Variants in PLXNC1 observed in about 807,000 individuals in gnomAD.
The protein encoded by PLXNC1 is plexin-C1.
Under a neutral mutation model 178.2 loss-of-function variants are expected in PLXNC1, and 75 were observed. The observed-to-expected ratio is 0.42, with a 90% CI of 0.35 to 0.51. PLXNC1 has a LOEUF of 0.51. PLXNC1 is among the 20% of genes least tolerant of loss of function. PLXNC1 has a pLI of 0.02. For missense variants in PLXNC1, 1,503 were observed against 1,984.4 expected (o/e 0.76, Z 4.61); for synonymous variants, 790 against 779.9 (o/e 1.01, Z -0.22).
intron 21 of PLXNC1, among the ~76,000 whole-genome samples, chr12:94,270,280 T>G (rs375173032): frequency 8.6e-4 from 131 of 152,356 alleles, no homozygotes; most frequent in African/African-American, 3.1e-3. Context: ...TTTATAAAGT[T>G]CTATTGGAAC....
chr12:94,164,661 GCACACACACACACACACACACACA>G (rs3060912), intron 1 of PLXNC1, among the ~76,000 whole-genome samples: 6 of 148,828 alleles, frequency 4.0e-5, no homozygotes, highest in Non-Finnish European at 4.5e-5. Flanking sequence ...ATGACTCCCT[GCACACACACACACACACACACACA>G]CACACACACA....
chr12:94,298,611 C>A, intron 26 of PLXNC1, 21 bp from the exon 27 acceptor site: 1 of 1,565,560 alleles, frequency 6.4e-7, no homozygotes, highest in Non-Finnish European at 8.6e-7. Context: ...TCTCCCAAAT[C>A]TGATGTTGTC....
chr12:94,259,579 A>G (rs753368942), intron 18 of PLXNC1, 31 bp from the exon 19 acceptor site: 1 of 1,482,684 alleles, frequency 6.7e-7, no homozygotes, highest in African/African-American at 1.4e-5. Flanking sequence ...ATGATTTTGT[A>G]TTATACTATA....
At chr12:94,237,576 C>G (rs73226254) in intron 9 of PLXNC1, 88 bp from the exon 10 acceptor site, 62,443 of 1,107,522 alleles carry the variant, frequency 0.056, 2,042 homozygotes, top group Admixed American at 0.1. Context: ...CCAGTGATTT[C>G]TTCGAACTGC....
chr12:94,188,892 TCTC>T (rs1192239282), intron 4 of PLXNC1, among the ~76,000 whole-genome samples: 1 of 152,196 alleles, frequency 6.6e-6, no homozygotes, highest in Non-Finnish European at 1.5e-5. Flanking sequence ...TGTGGTGTCT[TCTC>T]CTATTGCTCA....
intron 4 of PLXNC1, among the ~76,000 whole-genome samples, chr12:94,189,341 G>A (rs1038329144): frequency 2.6e-5 from 4 of 152,184 alleles, no homozygotes; most frequent in Non-Finnish European, 4.4e-5. Flanking sequence ...GGGTAGGGAT[G>A]TGAAAAGGTG....
intron 21 of PLXNC1, among the ~76,000 whole-genome samples, chr12:94,274,195 A>C (rs1253302979): frequency 6.8e-6 from 1 of 146,010 alleles, no homozygotes; most frequent in African/African-American, 2.6e-5. Flanking sequence ...AAATTTAGCC[A>C]AGCATGGCAG....
At chr12:94,236,000 A>G (rs981692904) in intron 9 of PLXNC1, among the ~76,000 whole-genome samples, 2 of 152,204 alleles carry the variant, frequency 1.3e-5, no homozygotes, top group Admixed American at 1.3e-4. Context: ...CTTTTGCTAT[A>G]TAACACACAC....
Position 94,260,665 on chromosome 12 carries a change from C to T in PLXNC1, c.3275C>T (p.Thr1092Ile). 6.2e-7 allele frequency: 1 copy of T among 1,613,854 alleles called. No homozygotes were observed. Among genetic ancestry groups the T allele is most frequent in the Non-Finnish European group, 8.5e-7 (1 of 1,179,870 alleles). ...KDRCLFASFL[T>I]IALQTKLVYL... ...AGGTGTCTGTTTGCCTCCTTCCTAA[C>T]CATTGCACTGCAAACCAAGCTGGTC... Residue 1092 changes from threonine (T) to isoleucine (I), a missense_variant, in exon 20 of 31, where the codon ACC becomes ATC. By Grantham distance (89) the Thr-to-Ile change is moderately conservative. Transcript: ENST00000258526. This position sits in a 1 kb window ranked among gnomAD's most constrained non-coding sequence, Gnocchi z 4.4.
intron 4 of PLXNC1, among the ~76,000 whole-genome samples, chr12:94,192,971 G>A (rs1962779672): frequency 1.3e-5 from 2 of 152,092 alleles, no homozygotes; most frequent in South Asian, 4.1e-4. Context: ...TTTCATGGGG[G>A]CACATAAAAT....
intron 4 of PLXNC1, among the ~76,000 whole-genome samples, chr12:94,206,048 C>T (rs771263884): frequency 6.6e-6 from 1 of 152,196 alleles, no homozygotes; most frequent in East Asian, 1.9e-4. Context: ...CAAACACTCC[C>T]ATCAGTGCCT....
intron 23 of PLXNC1, among the ~76,000 whole-genome samples, chr12:94,289,274 C>G (rs977344358): frequency 2.0e-5 from 3 of 152,186 alleles, no homozygotes; most frequent in African/African-American, 2.4e-5. Context: ...ACTTCTCATT[C>G]TAATGATGGG....
At chr12:94,175,278 G>A (rs923575341) in intron 2 of PLXNC1, among the ~76,000 whole-genome samples, 1 of 152,192 alleles carries the variant, frequency 6.6e-6, no homozygotes, top group Non-Finnish European at 1.5e-5. Flanking sequence ...TGGCTTGTTT[G>A]CCCTTCAACT....
chr12:94,195,427 C>T (rs1962879930), intron 4 of PLXNC1, among the ~76,000 whole-genome samples: 1 of 152,058 alleles, frequency 6.6e-6, no homozygotes, highest in African/African-American at 2.4e-5. Context: ...GCCCCACTTG[C>T]TCTGGTTTTA....
At chr12:94,279,172 A>G (rs1217423336) in intron 21 of PLXNC1, among the ~76,000 whole-genome samples, 1 of 152,176 alleles carries the variant, frequency 6.6e-6, no homozygotes, top group African/African-American at 2.4e-5. Flanking sequence ...TTTGAGGAGA[A>G]ATTAGAAATC....
intron 1 of PLXNC1, among the ~76,000 whole-genome samples, chr12:94,153,684 A>G (rs1466076641): frequency 6.6e-6 from 1 of 152,200 alleles, no homozygotes; most frequent in Non-Finnish European, 1.5e-5. Flanking sequence ...GTTTTCCTGC[A>G]GTATTGGTCC....
Position 94,209,616 on chromosome 12 carries a change from A to G in PLXNC1, c.1466A>G (p.His489Arg), listed in dbSNP as rs1255749620. ...TGCACTTTTCAAGGAGATTGTGTAC[A>G]TTCAGAGAACTTAGAAAACTGGCTG... Reference protein sequence around the residue: ...QRCTFQGDCVHSENLENWLDI... With the variant: ...QRCTFQGDCVRSENLENWLDI... Residue 489 changes from histidine to arginine, a missense_variant, in exon 5 of 31, where the codon CAT becomes CGT. His to Arg is a conservative substitution (Grantham distance 29, BLOSUM62 0). Around this residue, in one of 4 missense-constraint regions of PLXNC1, gnomAD observed 615 missense variants for 698.6 expected, o/e 0.88. Transcript: ENST00000258526. The G allele has an allele frequency of 1.9e-6, 3 of 1,613,252 alleles. No individual in the cohort carries two copies. Among genetic ancestry groups the G allele is most frequent in the Non-Finnish European group, 2.5e-6 (3 of 1,179,186 alleles).
chr12:94,231,712 T>C (rs1481555311), intron 9 of PLXNC1, among the ~76,000 whole-genome samples: 2 of 152,062 alleles, frequency 1.3e-5, no homozygotes, highest in African/African-American at 4.8e-5. Flanking sequence ...ATGTATGACC[T>C]TGGAGGAGGA....
chr12:94,232,836 A>G (rs1402986192), intron 9 of PLXNC1, among the ~76,000 whole-genome samples: 2 of 152,170 alleles, frequency 1.3e-5, no homozygotes, highest in Non-Finnish European at 2.9e-5. Flanking sequence ...TATTTTCCCC[A>G]TTTTATAGAT....
Sources: allele counts gnomAD v4.1 joint callset (sites outside exome capture counted in the v4.1 genomes callset), GRCh38; gene constraint gnomAD v4.1.1; regional missense constraint gnomAD v4.1.1; non-coding constraint Gnocchi (gnomAD v3.1); transcripts MANE v1.5; gene names NCBI Gene and HGNC (gene_info 2026-07-23, HGNC 2026-07-21).